Variants in ARHGEF10L observed in about 807,000 individuals in gnomAD.
ARHGEF10L encodes Rho guanine nucleotide exchange factor 10 like.
Under a neutral mutation model 141.2 loss-of-function variants are expected in ARHGEF10L, and 69 were observed. The observed-to-expected ratio is 0.49, with a 90% CI of 0.40 to 0.60. The LOEUF (loss-of-function observed/expected upper bound fraction) is 0.60, where lower values mean the gene tolerates loss of function less well. Among genes scored for constraint, ARHGEF10L ranks in the 20% least tolerant of loss-of-function variants. The pLI, the probability that ARHGEF10L is intolerant of heterozygous loss-of-function variation, is 0.00. For synonymous variants in ARHGEF10L, 711 were observed against 718.5 expected, an observed-to-expected ratio of 0.99 and a Z score of 0.17; for missense variants, 1,482 against 1,734.3, an observed-to-expected ratio of 0.85 and a Z score of 2.58.
the ARHGEF10L span, among the ~76,000 whole-genome samples, chr1:17,525,755 C>T: frequency 6.6e-6 from 1 of 151,856 alleles, no homozygotes; most frequent in African/African-American, 2.4e-5. Context: ...GTAATCCCAG[C>T]ACTTTGGGGG....
intron 1 of ARHGEF10L, among the ~76,000 whole-genome samples, chr1:17,557,967 C>A (rs942872474): frequency 2.6e-5 from 4 of 152,136 alleles, no homozygotes; most frequent in Non-Finnish European, 4.4e-5. Context: ...GTCCTCTGAC[C>A]ACTACTTACA....
chr1:17,661,756 G>C (rs900404405), intron 25 of ARHGEF10L, among the ~76,000 whole-genome samples: 1 of 152,192 alleles, frequency 6.6e-6, no homozygotes, highest in African/African-American at 2.4e-5. Context: ...TCTGGCCACT[G>C]GGGGGCGCTC....
intron 1 of ARHGEF10L, among the ~76,000 whole-genome samples, chr1:17,565,546 C>T (rs1215777295): frequency 6.6e-6 from 1 of 152,226 alleles, no homozygotes; most frequent in East Asian, 1.9e-4. Context: ...TCTGCAGCCC[C>T]CAGGTCTCCC....
chr1:17,524,595 T>C, the ARHGEF10L span, among the ~76,000 whole-genome samples: 1 of 152,224 alleles, frequency 6.6e-6, no homozygotes, highest in East Asian at 1.9e-4. Flanking sequence ...TATATGTGTA[T>C]GTATAAAATG....
At chr1:17,689,076 G>A (rs2064854673) in intron 27 of ARHGEF10L, among the ~76,000 whole-genome samples, 1 of 152,080 alleles carries the variant, frequency 6.6e-6, no homozygotes, top group African/African-American at 2.4e-5. Flanking sequence ...TGCAGACACT[G>A]AGATTGGTTC....
In ARHGEF10L at chr1:17,646,213, C is replaced by T. The variant is rs772646258; in HGVS notation, c.2273-2341C>T. On this transcript the variant is annotated intron_variant, in intron 21 of 28. Transcript: ENST00000361221. ...ATCCTCACCTGCCACCTCATTCCAG[C>T]TCCTCTTGCTGTGCCAGCATTCAGG... 4.6e-5 allele frequency among the ~76,000 whole-genome samples: 7 copies of T among 152,358 alleles called. No homozygotes were observed. The South Asian group carries it at 1.4e-3, about 32-fold the overall frequency.
At chr1:17,696,402 T>C (rs114923684) in intron 28 of ARHGEF10L, among the ~76,000 whole-genome samples, 38 of 152,160 alleles carry the variant, frequency 2.5e-4, no homozygotes, top group African/African-American at 8.2e-4. Flanking sequence ...GGGGTCATCA[T>C]AGCTCGGGTG....
intron 26 of ARHGEF10L, among the ~76,000 whole-genome samples, chr1:17,675,957 T>A (rs2063657494): frequency 6.8e-6 from 1 of 147,872 alleles, no homozygotes; most frequent in East Asian, 2.1e-4. Context: ...CAGGTGTGTG[T>A]ACAGGTGTGT....
chr1:17,561,555 G>A (rs1201130883), intron 1 of ARHGEF10L, among the ~76,000 whole-genome samples: 1 of 152,216 alleles, frequency 6.6e-6, no homozygotes, highest in African/African-American at 2.4e-5. Context: ...GACTTGCCCA[G>A]CGTCGATGGG....
At chr1:17,626,763 G>A (rs539403019) in intron 14 of ARHGEF10L, among the ~76,000 whole-genome samples, 2 of 152,258 alleles carry the variant, frequency 1.3e-5, no homozygotes, top group South Asian at 2.1e-4. Flanking sequence ...AACAACTCCC[G>A]ATTCTCCCTC....
Position 17,637,880 on chromosome 1 carries a change from CTGCCCAGATAAGGTG to C in ARHGEF10L, c.1928-6_1936del. 1 of 1,576,858 alleles carries C rather than the reference CTGCCCAGATAAGGTG, an allele frequency of 6.3e-7. No individual in the cohort carries two copies. Among genetic ancestry groups the C allele is most frequent in the Non-Finnish European group, 8.6e-7 (1 of 1,160,484 alleles). Reference sequence around the variant, plus strand: ...ACCTGTGCCTGAGTTGGTCTCTTCTCTGCCCAGATAAGGTGTACCTCGGCCCCCCACGCCTCTTCC... The same window carrying C: ...ACCTGTGCCTGAGTTGGTCTCTTCTCTACCTCGGCCCCCCACGCCTCTTCC... On this transcript the variant is annotated splice_acceptor_variant and splice_polypyrimidine_tract_variant and coding_sequence_variant and intron_variant, in exon 19 of 29. Transcript: ENST00000361221. LOFTEE classifies it high-confidence loss of function.
chr1:17,677,925 G>A (rs1160300217), intron 26 of ARHGEF10L, among the ~76,000 whole-genome samples: 6 of 152,108 alleles, frequency 3.9e-5, no homozygotes, highest in Non-Finnish European at 8.8e-5. Flanking sequence ...GCCTGCACTG[G>A]TCACTCCCCT....
rs1007725750 is a variant in ARHGEF10L at position 17,640,100 on chromosome 1, A to G, written c.2172-102A>G. 21 of 1,505,130 alleles carry G rather than the reference A, an allele frequency of 1.4e-5. No individual in the cohort carries two copies. The African/African-American group carries it at 2.5e-4, about 18-fold the overall frequency. The allele number at this position is 1,505,130 out of a possible 1,614,324, so 93.2% of individuals were successfully genotyped here. ...GGGATGCTCTGACCAGACCTCCTTG[A>G]TCTCCAGGGCGCGTGGGTTGGAGGA... On this transcript the variant is annotated intron_variant, in intron 20 of 28. Coordinates refer to ENST00000361221, the MANE Select transcript of ARHGEF10L (RefSeq NM_018125.4).
the ARHGEF10L span, among the ~76,000 whole-genome samples, chr1:17,527,261 G>A: frequency 6.6e-6 from 1 of 152,222 alleles, no homozygotes; most frequent in South Asian, 2.1e-4. Context: ...CCGGGTGGCT[G>A]GCTGACGCCG....
At chr1:17,564,088 A>G (rs2077650657) in intron 1 of ARHGEF10L, among the ~76,000 whole-genome samples, 1 of 152,170 alleles carries the variant, frequency 6.6e-6, no homozygotes, top group South Asian at 2.1e-4. Context: ...CGTTATCCTC[A>G]GCCACAGAGC....
chr1:17,629,636 C>T (rs1254370837), intron 15 of ARHGEF10L, among the ~76,000 whole-genome samples: 8 of 152,146 alleles, frequency 5.3e-5, no homozygotes, highest in East Asian at 1.9e-4. Context: ...TCCCCATCCA[C>T]GTGGCTCAGG....
chr1:17,518,517 C>T, the ARHGEF10L span, among the ~76,000 whole-genome samples: 1 of 152,102 alleles, frequency 6.6e-6, no homozygotes, highest in African/African-American at 2.4e-5. Context: ...TGAGGCCAGG[C>T]GCAGTGGCTC....
At chr1:17,596,097 C>G (rs1243731865) in intron 4 of ARHGEF10L, among the ~76,000 whole-genome samples, 1 of 152,242 alleles carries the variant, frequency 6.6e-6, no homozygotes, top group Non-Finnish European at 1.5e-5. Flanking sequence ...CTGCATGCTG[C>G]AGCCTGCAGG....
intron 1 of ARHGEF10L, among the ~76,000 whole-genome samples, chr1:17,577,413 C>A (rs1557729111): frequency 6.6e-6 from 1 of 152,200 alleles, no homozygotes; most frequent in East Asian, 1.9e-4. Context: ...AGGATTAACT[C>A]ATCCAAGGTC....
Sources: allele counts gnomAD v4.1 joint callset (sites outside exome capture counted in the v4.1 genomes callset), GRCh38; gene constraint gnomAD v4.1.1; transcripts MANE v1.5; gene names NCBI Gene and HGNC (gene_info 2026-07-23, HGNC 2026-07-21).